Variants in CEP85L observed in about 807,000 individuals in gnomAD.
The protein encoded by CEP85L is centrosomal protein of 85 kDa-like.
Under a neutral mutation model 100.3 loss-of-function variants are expected in CEP85L, and 60 were observed. That is an observed-to-expected ratio of 0.60 (90% CI 0.49 to 0.74). The LOEUF (loss-of-function observed/expected upper bound fraction) is 0.74, where lower values mean the gene tolerates loss of function less well. Among genes scored for constraint, CEP85L ranks in the 30% least tolerant of loss-of-function variants. The pLI, the probability that CEP85L is intolerant of heterozygous loss-of-function variation, is 0.00. For synonymous variants in CEP85L, 319 were observed against 322.7 expected, an observed-to-expected ratio of 0.99 and a Z score of 0.12; for missense variants, 973 against 936.2, an observed-to-expected ratio of 1.04 and a Z score of -0.51.
chr6:118,550,433 A>G (rs905533801), intron 3 of CEP85L, among the ~76,000 whole-genome samples: 2 of 151,902 alleles, frequency 1.3e-5, no homozygotes, highest in African/African-American at 4.8e-5. Context: ...AAATTAGACA[A>G]TATATTACCA....
In CEP85L at chr6:118,519,468, GTGT is replaced by G. The variant is rs1432387348; in HGVS notation, c.1139+4331_1139+4333del. Among the ~76,000 whole-genome samples the G allele has an allele frequency of 4.4e-3, 221 of 50,216 alleles. 6 individuals carry two copies. Among genetic ancestry groups the G allele is most frequent in the Non-Finnish European group, 7.7e-3 (173 of 22,348 alleles). 32.9% of individuals were successfully genotyped at this position (50,216 alleles called of 152,430 possible). The stretch of plus-strand genomic sequence containing the variant: ...TGTGTGTGTGTGTGTGTGTGTGTGT[GTGT>G]GTGGCGGGGGGGGGTTGTGAAACTC... On this transcript the variant is annotated intron_variant, in intron 4 of 12. Coordinates refer to ENST00000368491, the MANE Select transcript of CEP85L (RefSeq NM_001042475.3).
At chr6:118,555,037 C>T (rs1778770365) in intron 3 of CEP85L, among the ~76,000 whole-genome samples, 1 of 152,178 alleles carries the variant, frequency 6.6e-6, no homozygotes, top group Non-Finnish European at 1.5e-5. Flanking sequence ...TTTAAGACCA[C>T]TTAAGCCCAA....
At chr6:118,599,670 A>C (rs1232064513) in intron 2 of CEP85L, among the ~76,000 whole-genome samples, 1 of 152,208 alleles carries the variant, frequency 6.6e-6, no homozygotes, top group Non-Finnish European at 1.5e-5. Flanking sequence ...TGGCAAACAT[A>C]TCTTAAACAA....
chr6:118,506,089 G>A (rs62424199), intron 5 of CEP85L, among the ~76,000 whole-genome samples: 25,192 of 151,906 alleles, frequency 0.17, 2,203 homozygotes, highest in Non-Finnish European at 0.19. Context: ...AGTTAACACA[G>A]GTGCTTCTAC....
intron 2 of CEP85L, among the ~76,000 whole-genome samples, chr6:118,612,639 C>A (rs1207639756): frequency 8.9e-6 from 1 of 112,378 alleles, no homozygotes; most frequent in African/African-American, 3.5e-5. Flanking sequence ...CTAGCCTGGG[C>A]GACAGAGTGA....
intron 5 of CEP85L, among the ~76,000 whole-genome samples, chr6:118,505,700 T>C (rs559008722): frequency 6.6e-6 from 1 of 152,284 alleles, no homozygotes; most frequent in African/African-American, 2.4e-5. Flanking sequence ...GGCAAAACTA[T>C]AGAGACCATA....
At chr6:118,691,870 T>C (rs1465448795) in intron 1 of CEP85L, among the ~76,000 whole-genome samples, 1 of 152,182 alleles carries the variant, frequency 6.6e-6, no homozygotes, top group Non-Finnish European at 1.5e-5. Context: ...ACATGACTTA[T>C]TTTTCTTAAG....
At chr6:118,656,513 GTC>G (rs1775794554), upstream of CEP85L, among the ~76,000 whole-genome samples, 1 of 152,180 alleles carries the variant, frequency 6.6e-6, no homozygotes, top group African/African-American at 2.4e-5. Flanking sequence ...CTTGGAGTGT[GTC>G]TCTCTGATCT....
intron 2 of CEP85L, among the ~76,000 whole-genome samples, chr6:118,591,318 T>C (rs1235387802): frequency 1.3e-5 from 2 of 152,138 alleles, no homozygotes; most frequent in African/African-American, 4.8e-5. Context: ...CAGAGGCTAC[T>C]ACTCCCTTTG....
chr6:118,565,970 T>C lies in CEP85L; in HGVS notation c.579A>G (p.Thr193=), dbSNP rs746897951. The part of the protein sequence containing the change: ...LEKIGKAKAL[T]SQLRTIGPSC... ...TAGGCCCAATTGTCCTCAGTTGTGATGTTAAAGCCTTAGCCTTCCCTATCT... is the reference window on the plus strand; with the variant it reads ...TAGGCCCAATTGTCCTCAGTTGTGACGTTAAAGCCTTAGCCTTCCCTATCT... Residue 193 remains threonine, a synonymous_variant, in exon 3 of 13, where the codon ACA becomes ACG. Transcript: ENST00000368491. 2.7e-5 allele frequency: 43 copies of C among 1,614,094 alleles called. No individual in the cohort carries two copies. The East Asian group carries it at 6.0e-4, about 23-fold the overall frequency.
intron 2 of CEP85L, among the ~76,000 whole-genome samples, chr6:118,616,876 C>A (rs556750241): frequency 1.3e-5 from 2 of 150,706 alleles, no homozygotes; most frequent in African/African-American, 4.9e-5. Flanking sequence ...ACCCGGGAGG[C>A]GGAGCTTGCA....
chr6:118,486,862 T>C (rs1453406255), intron 6 of CEP85L, among the ~76,000 whole-genome samples: 1 of 152,114 alleles, frequency 6.6e-6, no homozygotes, highest in African/African-American at 2.4e-5. Flanking sequence ...CTCTCTCTCA[T>C]TGTTTTTTCC....
intron 9 of CEP85L, 75 bp downstream of exon 9, chr6:118,480,321 C>T (rs903135361): frequency 1.5e-6 from 1 of 684,056 alleles, no homozygotes. Flanking sequence ...CATAAAATAG[C>T]TATAAATTAT....
upstream of CEP85L, among the ~76,000 whole-genome samples, chr6:118,653,607 A>G (rs1343783824): frequency 6.6e-6 from 1 of 152,200 alleles, no homozygotes; most frequent in African/African-American, 2.4e-5. Flanking sequence ...GTAAACTGCC[A>G]TATTTTTGTT....
Position 118,464,586 on chromosome 6 carries a change from TTA to T in CEP85L, c.*817_*818del, listed in dbSNP as rs1772387306. 1 of 151,842 alleles carries T rather than the reference TTA, an allele frequency of 6.6e-6. No homozygotes were observed. The allele number at this position is 151,842 out of a possible 1,614,324, so 9.4% of individuals were successfully genotyped here. A position where few individuals can be genotyped will look rare whatever the true frequency, so the allele number is the denominator to read the frequency against. The stretch of plus-strand genomic sequence containing the variant: ...TAATTATATATGGCTTTGTTTACAT[TTA>T]TATATGTATATATATAAAACATATA... On this transcript the variant is annotated 3_prime_UTR_variant, in exon 13 of 13. Transcript: ENST00000368491.
intron 1 of CEP85L, among the ~76,000 whole-genome samples, chr6:118,700,165 A>G (rs536582227): frequency 6.6e-6 from 1 of 152,272 alleles, no homozygotes; most frequent in South Asian, 2.1e-4. Context: ...TAAGATACCT[A>G]TGCAATTCTT....
chr6:118,552,410 G>A (rs1252271528), intron 3 of CEP85L, among the ~76,000 whole-genome samples: 1 of 151,946 alleles, frequency 6.6e-6, no homozygotes, highest in Non-Finnish European at 1.5e-5. Context: ...TCATAAAGCA[G>A]GCCACCAAAA....
At chr6:118,690,920 C>T (rs1777018482) in intron 1 of CEP85L, among the ~76,000 whole-genome samples, 3 of 151,812 alleles carry the variant, frequency 2.0e-5, no homozygotes, top group South Asian at 2.1e-4. Flanking sequence ...ATCACTTGAG[C>T]CTGGGAGGTA....
At chr6:118,621,486 T>A (rs1773441742) in intron 2 of CEP85L, among the ~76,000 whole-genome samples, 2 of 152,106 alleles carry the variant, frequency 1.3e-5, no homozygotes, top group African/African-American at 4.8e-5. Context: ...GGGATAGCCC[T>A]CATCTGTTTG....
Sources: gnomAD v4.1 joint callset for allele counts (sites outside exome capture counted in the v4.1 genomes callset) on GRCh38, gnomAD v4.1.1 for gene constraint, MANE v1.5 for transcripts, NCBI Gene and HGNC (gene_info 2026-07-23, HGNC 2026-07-21) for gene names.